Variants in HSPA12A observed in about 807,000 individuals in gnomAD.
HSPA12A encodes heat shock 70 kDa protein 12A.
In HSPA12A, 28 loss-of-function variants were observed where a neutral mutation model predicts 69.2. The observed-to-expected ratio is 0.40, with a 90% CI of 0.30 to 0.55. The LOEUF (loss-of-function observed/expected upper bound fraction) is 0.55, where lower values mean the gene tolerates loss of function less well. Ranked by LOEUF, HSPA12A falls within the 20% of genes least tolerant of loss-of-function variation. The pLI is 0.38. For missense variants in HSPA12A, 686 were observed against 900.7 expected (o/e 0.76, Z 3.05); for synonymous variants, 345 against 370.5 (o/e 0.93, Z 0.79).
chr10:116,705,822 G>A lies in HSPA12A; in HGVS notation c.127-544C>T, dbSNP rs555522212. On this transcript the variant is annotated intron_variant, in intron 2 of 11. Transcript: ENST00000369209. ...GCCACATGACCCACTGTGACTGTCA[G>A]GGCCCAGGGCCTTGCCTCATCTAGA... Among the ~76,000 whole-genome samples, 171 of 152,118 alleles carry A rather than the reference G, an allele frequency of 1.1e-3. 2 individuals are homozygous for A. Among genetic ancestry groups the A allele is most frequent in the Non-Finnish European group, 2.1e-3 (140 of 68,020 alleles).
At position 116,707,458 on chromosome 10, in the gene HSPA12A, C is replaced by T. The variant is rs564973496; in HGVS notation, c.41-173G>A. ...GAAGGCAGGAACATCCGTTCCAGCA[C>T]CTCTTTGCATTTGGTATTTAGAATT... is the stretch of plus-strand genomic sequence containing the variant. On this transcript the variant is annotated intron_variant, in intron 1 of 11. Transcript: ENST00000369209. Among the ~76,000 whole-genome samples, 36 of 152,334 alleles carry T rather than the reference C, an allele frequency of 2.4e-4. No individual in the cohort carries two copies. In the East Asian group the frequency reaches 7.0e-3, roughly 29 times the overall value.
chr10:116,796,742 C>T (rs1844834984), intron 2 of HSPA12A, among the ~76,000 whole-genome samples: 1 of 152,192 alleles, frequency 6.6e-6, no homozygotes, highest in African/African-American at 2.4e-5. Context: ...GCCTGAGCCC[C>T]TCTGCCCAGC....
intron 2 of HSPA12A, among the ~76,000 whole-genome samples, chr10:116,799,103 G>C (rs1844900384): frequency 6.6e-6 from 1 of 152,090 alleles, no homozygotes; most frequent in Non-Finnish European, 1.5e-5. Flanking sequence ...CTGTGTCACT[G>C]ACGGAGGATT....
chr10:116,698,046 A>G (rs1554881096), intron 5 of HSPA12A: 2 of 104,222 alleles, frequency 1.9e-5, no homozygotes, highest in African/African-American at 5.7e-5. Flanking sequence ...TGTAAGATAG[A>G]TCACATTTTG....
intron 2 of HSPA12A, chr10:116,750,137 G>A (rs1851741642): frequency 1.7e-6 from 1 of 585,638 alleles, no homozygotes; most frequent in Non-Finnish European, 3.1e-6. Flanking sequence ...TGTACCTTAT[G>A]CTCATGAGCT....
intron 1 of HSPA12A, among the ~76,000 whole-genome samples, chr10:116,740,757 G>A (rs782548645): frequency 1.3e-4 from 20 of 150,740 alleles, no homozygotes; most frequent in Admixed American, 4.6e-4. Context: ...AACAGTGTTG[G>A]GAAAGGTGTG....
At chr10:116,791,465 C>A (rs1844698731) in intron 2 of HSPA12A, among the ~76,000 whole-genome samples, 1 of 152,122 alleles carries the variant, frequency 6.6e-6, no homozygotes. Flanking sequence ...GTTAATATCG[C>A]CCCGTCAGAG....
intron 2 of HSPA12A, among the ~76,000 whole-genome samples, chr10:116,820,176 G>A (rs923095528): frequency 6.6e-6 from 1 of 152,016 alleles, no homozygotes; most frequent in Non-Finnish European, 1.5e-5. Flanking sequence ...AGTACCATTA[G>A]AATTAGACAA....
chr10:116,685,563 A>C, intron 6 of HSPA12A, among the ~76,000 whole-genome samples: 1 of 149,172 alleles, frequency 6.7e-6, no homozygotes, highest in Non-Finnish European at 1.5e-5. Flanking sequence ...TGAACTTGGG[A>C]GGTGGAGGTT....
At chr10:116,739,207 A>G (rs1460388008) in intron 1 of HSPA12A, among the ~76,000 whole-genome samples, 1 of 152,086 alleles carries the variant, frequency 6.6e-6, no homozygotes, top group Non-Finnish European at 1.5e-5. Flanking sequence ...CTAGGTCCTT[A>G]CCTAGGCCCC....
intron 2 of HSPA12A, among the ~76,000 whole-genome samples, chr10:116,747,737 G>A (rs1482295963): frequency 6.6e-6 from 1 of 152,238 alleles, no homozygotes; most frequent in Non-Finnish European, 1.5e-5. Flanking sequence ...GGTGGCTCAT[G>A]CCTGTAATCG....
At chr10:116,736,724 T>C (rs1420110759) in intron 1 of HSPA12A, among the ~76,000 whole-genome samples, 2 of 152,096 alleles carry the variant, frequency 1.3e-5, no homozygotes, top group East Asian at 1.9e-4. Context: ...GAAAAGGCAA[T>C]GAAATGGATT....
At chr10:116,831,712 C>G (rs980504378) in intron 2 of HSPA12A, 4 of 152,200 alleles carry the variant, frequency 2.6e-5, no homozygotes, top group Non-Finnish European at 4.4e-5. Context: ...CCTCTGTTCA[C>G]AAGTCTTCAA....
At chr10:116,695,388 T>G (rs1301475760) in intron 5 of HSPA12A, among the ~76,000 whole-genome samples, 1 of 152,126 alleles carries the variant, frequency 6.6e-6, no homozygotes, top group Non-Finnish European at 1.5e-5. Flanking sequence ...TTTGCTGCCA[T>G]AAAAAGGGCT....
At chr10:116,698,847 C>G (rs782263003) in intron 4 of HSPA12A, 108 bp from the exon 5 acceptor site, 6 of 822,368 alleles carry the variant, frequency 7.3e-6, no homozygotes, top group Non-Finnish European at 1.2e-5. Context: ...TGAGCCATGT[C>G]TGTGTTCCCC....
chr10:116,815,577 A>G (rs1187234064), intron 2 of HSPA12A, among the ~76,000 whole-genome samples: 1 of 152,196 alleles, frequency 6.6e-6, no homozygotes, highest in Non-Finnish European at 1.5e-5. Context: ...CCTGTCTCAA[A>G]AAAATAAATA....
chr10:116,675,763 T>C lies in HSPA12A; in HGVS notation c.1391-345A>G, dbSNP rs1339625265. Among the ~76,000 whole-genome samples the C allele has an allele frequency of 6.6e-6, 1 of 152,238 alleles. No homozygotes were observed. The highest frequency in any genetic ancestry group is 1.9e-4 in the East Asian group (1 of 5,198). ...TTGGGTAAGTCAAGGCAGGTTGTTA[T>C]AAATAGAATTCTCTGATTTTCATAA... On this transcript the variant is annotated intron_variant, in intron 11 of 11. Transcript: ENST00000369209. The surrounding 1 kb of genome is among the most constrained non-coding windows in gnomAD (Gnocchi z 5.2).
At chr10:116,778,201 C>T (rs1589700470) in intron 2 of HSPA12A, among the ~76,000 whole-genome samples, 1 of 152,290 alleles carries the variant, frequency 6.6e-6, no homozygotes, top group East Asian at 1.9e-4. Context: ...GGTTACTTGA[C>T]ATTTCCAAGC....
At chr10:116,783,853 C>T (rs1478009368) in intron 2 of HSPA12A, among the ~76,000 whole-genome samples, 1 of 152,132 alleles carries the variant, frequency 6.6e-6, no homozygotes, top group Non-Finnish European at 1.5e-5. Flanking sequence ...CAGGCATGTG[C>T]CACCACGCCC....
Sources: gnomAD v4.1 joint callset for allele counts (sites outside exome capture counted in the v4.1 genomes callset) on GRCh38, gnomAD v4.1.1 for gene constraint, Gnocchi (gnomAD v3.1) non-coding constraint, MANE v1.5 for transcripts, NCBI Gene and HGNC (gene_info 2026-07-23, HGNC 2026-07-21) for gene names.